KBTBD11: variants seen among roughly 807,000 people sequenced by gnomAD.
KBTBD11 encodes the protein kelch repeat and BTB domain containing 11, also known as kelch repeat and BTB domain-containing protein 11.
For missense variants in KBTBD11, 1,390 were observed against 1,001.8 expected (o/e 1.39, Z -5.23); for synonymous variants, 747 against 499.0 (o/e 1.50, Z -6.63).
chr8:1,980,884 G>A (rs1238628491), intron 1 of KBTBD11, among the ~76,000 whole-genome samples: 1 of 152,254 alleles, frequency 6.6e-6, no homozygotes, highest in African/African-American at 2.4e-5. Context: ...CTGCCTGCTT[G>A]TTGCATGGGC....
At chr8:1,993,777 G>A (rs1409117586) in intron 1 of KBTBD11, among the ~76,000 whole-genome samples, 1 of 151,918 alleles carries the variant, frequency 6.6e-6, no homozygotes, top group Admixed American at 6.6e-5. Flanking sequence ...CCGGAAGTGA[G>A]GAAGTCTTAT....
In KBTBD11 at chr8:2,000,963, A is replaced by C. The variant is rs1028324092; in HGVS notation, c.-230A>C. On this transcript the variant is annotated 5_prime_UTR_variant, in exon 2 of 2. Transcript: ENST00000320248. ...GGGGTTCAGAAGTTCAGCAAGTCGG[A>C]CACACCCCTCCTCGCTGGAGAGGAG... The C allele has an allele frequency of 2.2e-6, 1 of 451,540 alleles. No individual in the cohort carries two copies. The highest frequency in any genetic ancestry group is 3.6e-6 in the Non-Finnish European group (1 of 276,232). The allele number at this position is 451,540 out of a possible 1,614,324, so 28.0% of individuals were successfully genotyped here.
intron 1 of KBTBD11, among the ~76,000 whole-genome samples, chr8:1,984,039 A>G (rs900934075): frequency 1.3e-5 from 2 of 152,224 alleles, no homozygotes; most frequent in African/African-American, 4.8e-5. Flanking sequence ...CTGAAGCAGG[A>G]GAATCACTTG....
In KBTBD11 at chr8:1,973,693, C is replaced by A; in HGVS notation, c.-1151C>A. ...CCCCTCCCCGCGCCCCGCGCGCGCC[C>A]CTCGCAGCCTGGAGCCGGAGCGCTG... On this transcript the variant is annotated 5_prime_UTR_variant, in exon 1 of 2. Coordinates refer to ENST00000320248, the MANE Select transcript of KBTBD11 (RefSeq NM_014867.3). 1 of 983,780 alleles carries A rather than the reference C, an allele frequency of 1.0e-6. No individual in the cohort carries two copies. The highest frequency in any genetic ancestry group is 1.7e-5 in the African/African-American group (1 of 57,206). The allele number at this position is 983,780 out of a possible 1,614,324, so 60.9% of individuals were successfully genotyped here.
rs1585709402 is a variant in KBTBD11, at chr8:1,973,951, G to A, written c.-909+16G>A. The A allele has an allele frequency of 4.1e-6, 4 of 983,114 alleles. No individual in the cohort carries two copies. The highest frequency in any genetic ancestry group is 1.8e-5 in the African/African-American group (1 of 56,990). The allele number at this position is 983,114 out of a possible 1,614,324, so 60.9% of individuals were successfully genotyped here. ...CCGCGGCGAGGTAGGGCGGACCCCG[G>A]GGAGGCAGCGGCGGGGCCTGGCGGG... is the stretch of plus-strand genomic sequence containing the variant. On this transcript the variant is annotated intron_variant, in intron 1 of 1. Transcript: ENST00000320248.
chr8:2,005,833 G>A lies in KBTBD11; in HGVS notation c.*2769G>A, dbSNP rs1817557242. On this transcript the variant is annotated 3_prime_UTR_variant, in exon 2 of 2. Transcript: ENST00000320248. The stretch of plus-strand genomic sequence containing the variant: ...TGAAAAGGCAGTGGTGTCTTTTGGG[G>A]AAAATGTTATGCATGGAAGCCTGAC... 1 of 167,090 alleles carries A rather than the reference G, an allele frequency of 6.0e-6. No homozygotes were observed. Among genetic ancestry groups the A allele is most frequent in the African/African-American group, 2.4e-5 (1 of 41,452 alleles). The allele number at this position is 167,090 out of a possible 1,614,324, so 10.4% of individuals were successfully genotyped here.
intron 1 of KBTBD11, among the ~76,000 whole-genome samples, chr8:1,985,619 C>G (rs2129310854): frequency 6.6e-6 from 1 of 152,380 alleles, no homozygotes; most frequent in Non-Finnish European, 1.5e-5. Context: ...CCCGAACACG[C>G]TACAGTCGTT....
In KBTBD11 at chr8:2,002,341, C is replaced by A; in HGVS notation, c.1149C>A (p.Phe383Leu). The change falls in exon 2 of 2, where the codon TTC becomes TTA. Residue 383 changes from phenylalanine to leucine, a missense_variant. Physicochemically the swap from Phe to Leu is conservative, Grantham distance 22. Transcript: ENST00000320248. This position sits in a 1 kb window ranked among gnomAD's most constrained non-coding sequence, Gnocchi z 4.1. The stretch of plus-strand genomic sequence containing the variant: ...GCGCGCGCCCGTCCGACCAGGTCTT[C>A]TGCTACAACCCGGCCACGGACAGCT... ...DGRARPSDQV[F>L]CYNPATDSWS... The A allele has an allele frequency of 6.9e-7, 1 of 1,447,714 alleles. No homozygotes were observed. The highest frequency in any genetic ancestry group is 9.0e-7 in the Non-Finnish European group (1 of 1,105,108). The allele number at this position is 1,447,714 out of a possible 1,614,324, so 89.7% of individuals were successfully genotyped here. A position where few individuals can be genotyped will look rare whatever the true frequency, so the allele number is the denominator to read the frequency against.
intron 1 of KBTBD11, among the ~76,000 whole-genome samples, chr8:1,996,547 C>A (rs2129314763): frequency 6.6e-6 from 1 of 152,218 alleles, no homozygotes; most frequent in Middle Eastern, 3.4e-3. Context: ...GGATTACAGG[C>A]TTGAGCCACC....
chr8:2,002,394 C>A lies in KBTBD11; in HGVS notation c.1202C>A (p.Ala401Glu). ...SWSAVRPLRQ[A>E]RSQLRLLALD... ...AGCGCCGTGAGGCCCCTGCGCCAGG[C>A]GCGCTCGCAGCTGCGGCTGCTGGCC... Residue 401 changes from alanine to glutamate, a missense_variant, in exon 2 of 2, where the codon GCG (alanine) becomes GAG (glutamate). Ala to Glu is a moderately radical substitution (Grantham distance 107, BLOSUM62 -1). Coordinates refer to ENST00000320248, the MANE Select transcript of KBTBD11 (RefSeq NM_014867.3). This position sits in a 1 kb window ranked among gnomAD's most constrained non-coding sequence, Gnocchi z 4.1. The A allele has an allele frequency of 6.8e-7, 1 of 1,480,602 alleles. No individual in the cohort carries two copies. Among genetic ancestry groups the A allele is most frequent in the African/African-American group, 1.5e-5 (1 of 68,344 alleles). 91.7% of individuals were successfully genotyped at this position (1,480,602 alleles called of 1,614,324 possible). A position where few individuals can be genotyped will look rare whatever the true frequency, so the allele number is the denominator to read the frequency against.
At chr8:1,978,084 C>G (rs1344613861) in intron 1 of KBTBD11, among the ~76,000 whole-genome samples, 1 of 152,136 alleles carries the variant, frequency 6.6e-6, no homozygotes, top group Non-Finnish European at 1.5e-5. Flanking sequence ...TGGTTTGTTG[C>G]ACCTGTCAAC....
chr8:1,991,719 C>A (rs1005258162), intron 1 of KBTBD11, among the ~76,000 whole-genome samples: 4 of 152,016 alleles, frequency 2.6e-5, no homozygotes, highest in Non-Finnish European at 2.9e-5. Flanking sequence ...CTGCACTGCC[C>A]TGAGGGAACC....
At position 2,005,201 on chromosome 8, in the gene KBTBD11, C is replaced by A. The variant is rs1409563551; in HGVS notation, c.*2137C>A. The A allele has an allele frequency of 6.0e-6, 1 of 167,082 alleles. No homozygotes were observed. Among genetic ancestry groups the A allele is most frequent in the Non-Finnish European group, 1.5e-5 (1 of 68,134 alleles). The allele number at this position is 167,082 out of a possible 1,614,324, so 10.3% of individuals were successfully genotyped here. On this transcript the variant is annotated 3_prime_UTR_variant, in exon 2 of 2. Transcript: ENST00000320248. ...GCTCACACTAGATGTAGCACAGCTT[C>A]CTGTGGGGCCCGGCAGCAAAGCCCC... is the stretch of plus-strand genomic sequence containing the variant.
Position 2,000,928 on chromosome 8 carries a change from T to A in KBTBD11, c.-265T>A. The A allele has an allele frequency of 2.6e-6, 1 of 389,754 alleles. No individual in the cohort carries two copies. Among genetic ancestry groups the A allele is most frequent in the Non-Finnish European group, 4.5e-6 (1 of 223,318 alleles). The allele number at this position is 389,754 out of a possible 1,614,324, so 24.1% of individuals were successfully genotyped here. On this transcript the variant is annotated 5_prime_UTR_variant, in exon 2 of 2. The change creates a premature stop within an existing upstream ORF in the 5' untranslated region. Transcript: ENST00000320248. Reference sequence around the variant, plus strand: ...TTCACCAAGACTTTCTGGGCAGATTTAAAGTGGCTGGGGTTCAGAAGTTCA... The same window carrying A: ...TTCACCAAGACTTTCTGGGCAGATTAAAAGTGGCTGGGGTTCAGAAGTTCA...
chr8:2,002,487 C>A lies in KBTBD11; in HGVS notation c.1295C>A (p.Ala432Asp). 6.6e-7 allele frequency: 1 copy of A among 1,508,210 alleles called. No individual in the cohort carries two copies. Among genetic ancestry groups the A allele is most frequent in the Non-Finnish European group, 8.8e-7 (1 of 1,137,204 alleles). The allele number at this position is 1,508,210 out of a possible 1,614,324, so 93.4% of individuals were successfully genotyped here. A position where few individuals can be genotyped will look rare whatever the true frequency, so the allele number is the denominator to read the frequency against. The change falls in exon 2 of 2, where the codon GCC (alanine) becomes GAC (aspartate). Residue 432 changes from alanine (A) to aspartate (D), a missense_variant. By Grantham distance (126) the Ala-to-Asp change is moderately radical. Transcript: ENST00000320248. This position sits in a 1 kb window ranked among gnomAD's most constrained non-coding sequence, Gnocchi z 4.1. ...AGCGTGGAGCGCTACGACCCGCGCG[C>A]CGACCGCTGGGCCCCCGTGGCGCCG... ...LLSVERYDPR[A>D]DRWAPVAPLP...
Position 2,004,789 on chromosome 8 carries a change from G to T in KBTBD11, c.*1725G>T. On this transcript the variant is annotated 3_prime_UTR_variant, in exon 2 of 2. Coordinates refer to ENST00000320248, the MANE Select transcript of KBTBD11 (RefSeq NM_014867.3). ...GCCTGACTTGATTGGCCTTTTATAG[G>T]AGTATACTGGAGAAATGGTTGTAGA... The T allele has an allele frequency of 6.0e-6, 1 of 167,116 alleles. No homozygotes were observed. The allele number at this position is 167,116 out of a possible 1,614,324, so 10.4% of individuals were successfully genotyped here.
chr8:1,999,296 C>A (rs1175916355), intron 1 of KBTBD11, among the ~76,000 whole-genome samples: 1 of 152,160 alleles, frequency 6.6e-6, no homozygotes, highest in Admixed American at 6.5e-5. Flanking sequence ...AATGCTATTG[C>A]ACATAATAAG....
Position 2,005,319 on chromosome 8 carries a change from T to G in KBTBD11, c.*2255T>G, listed in dbSNP as rs17064491. ...ACCATTAAAGGATGTCCGGCCAACCTATTGTGGAAATTTATAGAATAGTAT... is the reference window on the plus strand; with the variant it reads ...ACCATTAAAGGATGTCCGGCCAACCGATTGTGGAAATTTATAGAATAGTAT... On this transcript the variant is annotated 3_prime_UTR_variant, in exon 2 of 2. Coordinates refer to ENST00000320248, the MANE Select transcript of KBTBD11 (RefSeq NM_014867.3). 6.0e-6 allele frequency: 1 copy of G among 167,142 alleles called. No individual in the cohort carries two copies. Among genetic ancestry groups the G allele is most frequent in the Non-Finnish European group, 1.5e-5 (1 of 68,132 alleles). 10.4% of individuals were successfully genotyped at this position (167,142 alleles called of 1,614,324 possible).
Position 1,983,396 on chromosome 8 carries a change from G to C in KBTBD11, c.-909+9461G>C, listed in dbSNP as rs533144784. ...TCCTGAAGTCCTGTCCCAGGCAGCT[G>C]GGTGCTCCTTGTAACCCTGTGCCTG... On this transcript the variant is annotated intron_variant, in intron 1 of 1. Coordinates refer to ENST00000320248, the MANE Select transcript of KBTBD11 (RefSeq NM_014867.3). Among the ~76,000 whole-genome samples, 10 of 152,316 alleles carry C rather than the reference G, an allele frequency of 6.6e-5. No homozygotes were observed. The East Asian group carries it at 1.9e-3, about 29-fold the overall frequency.
Sources: gnomAD v4.1 joint callset for allele counts (sites outside exome capture counted in the v4.1 genomes callset) on GRCh38, gnomAD v4.1.1 for gene constraint, Gnocchi (gnomAD v3.1) non-coding constraint, MANE v1.5 for transcripts, NCBI Gene and HGNC (gene_info 2026-07-23, HGNC 2026-07-21) for gene names.